ARHGAP22: variants seen among roughly 807,000 people sequenced by gnomAD.
ARHGAP22 encodes Rho GTPase activating protein 22, also known as rho GTPase-activating protein 22.
A neutral mutation model predicts 59.1 loss-of-function variants in ARHGAP22; 48 were observed. The observed-to-expected ratio is 0.81, with a 90% CI of 0.64 to 1.03. The LOEUF (loss-of-function observed/expected upper bound fraction) is 1.03, where lower values mean the gene tolerates loss of function less well. ARHGAP22 is among the 50% of genes least tolerant of loss of function. The pLI is 0.00. For synonymous variants in ARHGAP22, 445 were observed against 416.4 expected (o/e 1.07, Z -0.84); for missense variants, 1,015 against 958.7 (o/e 1.06, Z -0.78).
intron 1 of ARHGAP22, among the ~76,000 whole-genome samples, chr10:48,648,787 T>C (rs1273267053): frequency 2.0e-5 from 3 of 151,862 alleles, no homozygotes; most frequent in Non-Finnish European, 4.4e-5. Flanking sequence ...TGGGGGAGCG[T>C]GGGGTGCTTG....
At chr10:48,633,089 A>G (rs770749233) in intron 1 of ARHGAP22, among the ~76,000 whole-genome samples, 4 of 152,194 alleles carry the variant, frequency 2.6e-5, no homozygotes, top group African/African-American at 9.7e-5. Flanking sequence ...AGAAGGTAAG[A>G]GTTTTTGCCA....
At chr10:48,549,670 ATACGGTCCTCC>A in intron 3 of ARHGAP22, among the ~76,000 whole-genome samples, 1 of 152,208 alleles carries the variant, frequency 6.6e-6, no homozygotes, top group East Asian at 1.9e-4. Context: ...CTTATACATT[ATACGGTCCTCC>A]TCCTCTTGGA....
At chr10:48,519,903 G>A (rs1350599936) in intron 3 of ARHGAP22, among the ~76,000 whole-genome samples, 11 of 152,194 alleles carry the variant, frequency 7.2e-5, no homozygotes, top group Admixed American at 2.0e-4. Context: ...GGATCATAGT[G>A]TCTCCAGAGC....
chr10:48,435,032 A>G, the ARHGAP22 span: 1 of 906,748 alleles, frequency 1.1e-6, no homozygotes. Context: ...GTAGATGACT[A>G]CTTGGGCCAT....
At chr10:48,560,341 C>A (rs1264875929) in intron 2 of ARHGAP22, among the ~76,000 whole-genome samples, 1 of 152,094 alleles carries the variant, frequency 6.6e-6, no homozygotes, top group South Asian at 2.1e-4. Flanking sequence ...TATAACTCCT[C>A]ATTTATTTAG....
chr10:48,621,265 C>T (rs1412139305), intron 1 of ARHGAP22, among the ~76,000 whole-genome samples: 1 of 152,150 alleles, frequency 6.6e-6, no homozygotes, highest in African/African-American at 2.4e-5. Context: ...CTTATTTTTA[C>T]ATTTTTGCCT....
chr10:48,562,497 G>A (rs1329876384), intron 2 of ARHGAP22, among the ~76,000 whole-genome samples: 2 of 152,216 alleles, frequency 1.3e-5, no homozygotes, highest in Non-Finnish European at 2.9e-5. Flanking sequence ...CAACATGGAT[G>A]CTTCTCTAAA....
rs1427988270 is a variant in ARHGAP22 at position 48,456,656 on chromosome 10, G to A, written c.660-1522C>T. ...TGTCTTCCCCTTTTCTGCAGCTGGG[G>A]GGATGGGAGCATTTCTGCCCTGGGT... On this transcript the variant is annotated intron_variant, in intron 5 of 9. Transcript: ENST00000249601. Among the ~76,000 whole-genome samples, 3 of 152,126 alleles carry A rather than the reference G, an allele frequency of 2.0e-5. No individual in the cohort carries two copies. The South Asian group carries it at 6.2e-4, about 32-fold the overall frequency.
intron 3 of ARHGAP22, among the ~76,000 whole-genome samples, chr10:48,481,654 T>C (rs533905227): frequency 6.6e-6 from 1 of 152,318 alleles, no homozygotes; most frequent in Admixed American, 6.5e-5. Context: ...TAAGTATTTA[T>C]ATATATTTTT....
At chr10:48,477,128 T>A (rs928299042) in intron 4 of ARHGAP22, among the ~76,000 whole-genome samples, 2 of 152,196 alleles carry the variant, frequency 1.3e-5, no homozygotes, top group African/African-American at 2.4e-5. Context: ...TCCCATCCCA[T>A]CTTAACCTCT....
intron 3 of ARHGAP22, among the ~76,000 whole-genome samples, chr10:48,485,298 G>A (rs1438115002): frequency 1.3e-5 from 2 of 152,030 alleles, no homozygotes; most frequent in East Asian, 1.9e-4. Context: ...ATTTCAATAC[G>A]TTGTGTTTTC....
At chr10:48,655,030 CATT>C (rs1248924693), upstream of ARHGAP22, among the ~76,000 whole-genome samples, 9 of 57,746 alleles carry the variant, frequency 1.6e-4, no homozygotes, top group African/African-American at 6.1e-4. Flanking sequence ...TTCTTTCTTT[CATT>C]CTTTCTTTCT....
At chr10:48,608,441 A>G (rs976884066), upstream of ARHGAP22, among the ~76,000 whole-genome samples, 1 of 152,188 alleles carries the variant, frequency 6.6e-6, no homozygotes. Context: ...ATTTGCACAA[A>G]GGCGACATAT....
intron 1 of ARHGAP22, among the ~76,000 whole-genome samples, chr10:48,588,314 A>T (rs1474230685): frequency 6.6e-6 from 1 of 152,246 alleles, no homozygotes; most frequent in Non-Finnish European, 1.5e-5. Context: ...ACAAGGAAGC[A>T]CTTCCTGCAG....
In ARHGAP22 at chr10:48,551,169, CT is replaced by C. The variant is rs1274659527; in HGVS notation, c.322+4293del. On this transcript the variant is annotated intron_variant, in intron 3 of 9. Coordinates refer to ENST00000249601, the MANE Select transcript of ARHGAP22 (RefSeq NM_021226.4). ...CCTCCCTGGTGGACGGTGTTGTGAA[CT>C]GGGGCAGGGGCACCCTCCCAACCAG... 3.9e-5 allele frequency among the ~76,000 whole-genome samples: 6 copies of C among 152,282 alleles called. No homozygotes were observed. In the East Asian group the frequency reaches 1.2e-3, roughly 29 times the overall value.
intron 4 of ARHGAP22, 24 bp downstream of exon 4, chr10:48,479,612 G>T: frequency 6.2e-7 from 1 of 1,613,868 alleles, no homozygotes; most frequent in South Asian, 1.1e-5. Context: ...TCTAGAGGGT[G>T]GGCATGCGAT....
intron 2 of ARHGAP22, among the ~76,000 whole-genome samples, chr10:48,565,408 C>T (rs2057986862): frequency 6.6e-6 from 1 of 152,184 alleles, no homozygotes; most frequent in African/African-American, 2.4e-5. Flanking sequence ...ACAGGTCCTC[C>T]ACCAACCCGG....
chr10:48,568,884 C>T (rs146701775), intron 2 of ARHGAP22, among the ~76,000 whole-genome samples: 1 of 152,342 alleles, frequency 6.6e-6, no homozygotes, highest in East Asian at 1.9e-4. Context: ...TCCAGGGTTG[C>T]ACAGTGTTTC....
At chr10:48,638,817 G>A (rs887222376) in intron 1 of ARHGAP22, among the ~76,000 whole-genome samples, 2 of 151,978 alleles carry the variant, frequency 1.3e-5, no homozygotes, top group South Asian at 2.1e-4. Flanking sequence ...CTGCAAGATC[G>A]TGCCTATATC....
Sources: gnomAD v4.1 joint callset for allele counts (sites outside exome capture counted in the v4.1 genomes callset) on GRCh38, gnomAD v4.1.1 for gene constraint, MANE v1.5 for transcripts, NCBI Gene and HGNC (gene_info 2026-07-23, HGNC 2026-07-21) for gene names.